The following ZCCHC4 variants were observed in gnomAD, a reference collection of about 807,000 sequenced individuals.
The protein encoded by ZCCHC4 is zinc finger CCHC-type containing 4.
A neutral mutation model predicts 67.7 loss-of-function variants in ZCCHC4; 54 were observed. The ratio of observed to expected loss-of-function variants is 0.80; its 90% CI spans 0.64 to 1.00. The LOEUF is 1.00. Among genes scored for constraint, ZCCHC4 ranks in the 50% least tolerant of loss-of-function variants. ZCCHC4 has a pLI of 0.00. For synonymous variants in ZCCHC4, 198 were observed against 213.5 expected (o/e 0.93, Z 0.63); for missense variants, 609 against 617.0 (o/e 0.99, Z 0.14).
At chr4:25,337,243 T>G (rs1719502670) in intron 5 of ZCCHC4, among the ~76,000 whole-genome samples, 1 of 152,238 alleles carries the variant, frequency 6.6e-6, no homozygotes, top group African/African-American at 2.4e-5. Flanking sequence ...TTGATTTACA[T>G]TACTGAGGTC....
chr4:25,328,124 G>GT (rs990848195), intron 3 of ZCCHC4, among the ~76,000 whole-genome samples: 8 of 152,106 alleles, frequency 5.3e-5, no homozygotes, highest in Non-Finnish European at 7.4e-5. Context: ...TCTCTCTTCA[G>GT]TTTTTTGAAA....
chr4:25,315,870 A>G (rs552624868), intron 3 of ZCCHC4, among the ~76,000 whole-genome samples: 48 of 151,734 alleles, frequency 3.2e-4, no homozygotes, highest in African/African-American at 1.2e-3. Flanking sequence ...ACGCCACCAC[A>G]CCCAGCTAAT....
At chr4:25,335,681 C>T (rs902483040) in intron 5 of ZCCHC4, among the ~76,000 whole-genome samples, 18 of 152,124 alleles carry the variant, frequency 1.2e-4, no homozygotes, top group African/African-American at 4.3e-4. Context: ...GATTGCTTGA[C>T]CCCAGAAGGT....
chr4:25,361,667 G>A (rs1720744546), intron 8 of ZCCHC4, 192 bp from the exon 9 acceptor site: 1 of 575,664 alleles, frequency 1.7e-6, no homozygotes, highest in Non-Finnish European at 3.0e-6. Flanking sequence ...TGATCCTTGA[G>A]TGTTATTCCA....
At chr4:25,333,126 T>C in intron 3 of ZCCHC4, 57 bp from the exon 4 acceptor site, 1 of 1,539,418 alleles carries the variant, frequency 6.5e-7, no homozygotes, top group Non-Finnish European at 8.8e-7. Context: ...CAAAACACAT[T>C]GTGTTTACAA....
intron 5 of ZCCHC4, among the ~76,000 whole-genome samples, chr4:25,335,152 A>G (rs545165742): frequency 6.6e-6 from 1 of 152,356 alleles, no homozygotes; most frequent in African/African-American, 2.4e-5. Context: ...GTCCGTTTAA[A>G]AAGTGTAGTT....
intron 3 of ZCCHC4, among the ~76,000 whole-genome samples, chr4:25,330,689 G>A (rs552459137): frequency 5.5e-4 from 84 of 152,274 alleles, no homozygotes; most frequent in East Asian, 1.2e-3. Context: ...GCAACCTTTC[G>A]TGGTTCTAGG....
chr4:25,348,100 G>A (rs1236739075), intron 6 of ZCCHC4, among the ~76,000 whole-genome samples: 1 of 152,124 alleles, frequency 6.6e-6, no homozygotes, highest in Non-Finnish European at 1.5e-5. Flanking sequence ...TAAGGAGTTT[G>A]AAGATTTCAA....
chr4:25,315,467 G>A (rs1718209568), intron 3 of ZCCHC4, 67 bp downstream of exon 3: 1 of 1,174,332 alleles, frequency 8.5e-7, no homozygotes, highest in Non-Finnish European at 1.2e-6. Context: ...GCCTTTTTCT[G>A]TGCCTTTAAG....
chr4:25,369,286 A>T lies in ZCCHC4; in HGVS notation c.*122A>T. 7.2e-7 allele frequency: 1 copy of T among 1,393,764 alleles called. No individual in the cohort carries two copies. Among genetic ancestry groups the T allele is most frequent in the Non-Finnish European group, 9.8e-7 (1 of 1,020,128 alleles). The allele number at this position is 1,393,764 out of a possible 1,614,324, so 86.3% of individuals were successfully genotyped here. On this transcript the variant is annotated 3_prime_UTR_variant, in exon 13 of 13. Coordinates refer to ENST00000302874, the MANE Select transcript of ZCCHC4 (RefSeq NM_024936.3). ...AGGTGTGCACCTTTCTGAGCTAGAT[A>T]ACAGGCAGGTGGCATTTGCTGGTTT...
chr4:25,325,018 T>C (rs1191705709), intron 3 of ZCCHC4, among the ~76,000 whole-genome samples: 1 of 151,514 alleles, frequency 6.6e-6, no homozygotes, highest in Non-Finnish European at 1.5e-5. Context: ...CCAAGGCGGG[T>C]GGATCACGAG....
intron 3 of ZCCHC4, 62 bp from the exon 4 acceptor site, chr4:25,333,121 C>A: frequency 6.6e-7 from 1 of 1,526,250 alleles, no homozygotes; most frequent in Non-Finnish European, 8.8e-7. Context: ...AATAGCAAAA[C>A]ACATTGTGTT....
At chr4:25,347,369 G>A (rs1014786455) in intron 6 of ZCCHC4, among the ~76,000 whole-genome samples, 1 of 152,122 alleles carries the variant, frequency 6.6e-6, no homozygotes, top group African/African-American at 2.4e-5. Flanking sequence ...AAAGTGTACA[G>A]CATTACCTTA....
intron 3 of ZCCHC4, among the ~76,000 whole-genome samples, chr4:25,316,131 A>C (rs1229244275): frequency 6.6e-6 from 1 of 152,214 alleles, no homozygotes. Context: ...TTCAAGGTTC[A>C]TGCATGTGGT....
chr4:25,344,219 G>A (rs963232218), intron 5 of ZCCHC4, among the ~76,000 whole-genome samples: 2 of 151,950 alleles, frequency 1.3e-5, no homozygotes, highest in African/African-American at 4.8e-5. Context: ...ATACCCAAAG[G>A]TGGTACTCTC....
chr4:25,341,272 A>G (rs1362299314), intron 5 of ZCCHC4, among the ~76,000 whole-genome samples: 1 of 152,220 alleles, frequency 6.6e-6, no homozygotes, highest in Non-Finnish European at 1.5e-5. Context: ...TGGAGTTGAT[A>G]TCTCATGTTG....
At chr4:25,329,828 C>T (rs1436776816) in intron 3 of ZCCHC4, among the ~76,000 whole-genome samples, 2 of 152,078 alleles carry the variant, frequency 1.3e-5, no homozygotes, top group Admixed American at 6.6e-5. Flanking sequence ...GCCACCGCAC[C>T]TGGCCGGATG....
At chr4:25,319,705 C>T (rs1718478802) in intron 3 of ZCCHC4, among the ~76,000 whole-genome samples, 3 of 151,932 alleles carry the variant, frequency 2.0e-5, no homozygotes, top group African/African-American at 7.3e-5. Context: ...TTCTCTTTGT[C>T]TGTCTTCAGC....
At chr4:25,321,247 T>C (rs1362195708) in intron 3 of ZCCHC4, among the ~76,000 whole-genome samples, 4 of 152,148 alleles carry the variant, frequency 2.6e-5, no homozygotes, top group Non-Finnish European at 5.9e-5. Context: ...TTTCTCTTCT[T>C]TCCTTTCTTT....
Sources: allele counts gnomAD v4.1 joint callset (sites outside exome capture counted in the v4.1 genomes callset), GRCh38; gene constraint gnomAD v4.1.1; transcripts MANE v1.5; gene names NCBI Gene and HGNC (gene_info 2026-07-23, HGNC 2026-07-21).